FGF12: variants seen among roughly 807,000 people sequenced by gnomAD.
FGF12 encodes fibroblast growth factor 12B.
In FGF12, 14 loss-of-function variants were observed where a neutral mutation model predicts 23.6. The observed-to-expected ratio is 0.59, with a 90% CI of 0.39 to 0.93. The LOEUF (loss-of-function observed/expected upper bound fraction) is 0.93. Among genes scored for constraint, FGF12 ranks in the 40% least tolerant of loss-of-function variants. The pLI, the probability that FGF12 is intolerant of heterozygous loss-of-function variation, is 0.00. For missense variants in FGF12, 175 were observed against 217.8 expected (o/e 0.80, Z 1.24); for synonymous variants, 62 against 77.3 (o/e 0.80, Z 1.04).
At chr3:192,404,392 C>T (rs985572939) in intron 2 of FGF12, among the ~76,000 whole-genome samples, 19 of 152,150 alleles carry the variant, frequency 1.2e-4, no homozygotes, top group African/African-American at 4.3e-4. Context: ...ATGAGTGTTA[C>T]CCTTTGTCTG....
At chr3:192,695,123 A>C (rs1718073234) in intron 2 of FGF12, among the ~76,000 whole-genome samples, 1 of 152,190 alleles carries the variant, frequency 6.6e-6, no homozygotes, top group South Asian at 2.1e-4. Context: ...AACATCATGT[A>C]ACCTTAAATA....
intron 5 of FGF12, among the ~76,000 whole-genome samples, chr3:192,154,644 AC>A (rs1270612622): frequency 6.8e-6 from 1 of 147,938 alleles, no homozygotes; most frequent in East Asian, 2.0e-4. Flanking sequence ...GGGGTCAGGG[AC>A]CCACTTGAGG....
intron 2 of FGF12, among the ~76,000 whole-genome samples, chr3:192,370,728 C>A (rs777429093): frequency 5.3e-5 from 8 of 152,072 alleles, no homozygotes; most frequent in Non-Finnish European, 1.2e-4. Context: ...GGGAGCTATT[C>A]CATATAAGAA....
chr3:192,538,244 G>C (rs958689552), intron 2 of FGF12, among the ~76,000 whole-genome samples: 6 of 149,624 alleles, frequency 4.0e-5, no homozygotes, highest in African/African-American at 1.5e-4. Flanking sequence ...CACCGCACCA[G>C]GCCTTTAATC....
At chr3:192,390,398 T>C (rs1257651235) in intron 2 of FGF12, among the ~76,000 whole-genome samples, 1 of 152,192 alleles carries the variant, frequency 6.6e-6, no homozygotes, top group Non-Finnish European at 1.5e-5. Flanking sequence ...TTAAAGGTGC[T>C]CTTGTAAGGA....
intron 2 of FGF12, among the ~76,000 whole-genome samples, chr3:192,551,620 C>T (rs147066577): frequency 1.4e-3 from 206 of 152,188 alleles, no homozygotes; most frequent in African/African-American, 4.4e-3. Flanking sequence ...GAGGAAAGAC[C>T]GTGACCTAAA....
At chr3:192,350,980 G>A (rs928428674) in intron 3 of FGF12, among the ~76,000 whole-genome samples, 1 of 152,170 alleles carries the variant, frequency 6.6e-6, no homozygotes, top group African/African-American at 2.4e-5. Flanking sequence ...GGACTAGGGA[G>A]TGGCAATAGG....
chr3:192,441,211 G>T (rs1322497620), intron 2 of FGF12, among the ~76,000 whole-genome samples: 3 of 152,216 alleles, frequency 2.0e-5, no homozygotes, highest in Non-Finnish European at 4.4e-5. Context: ...AAATGAGATA[G>T]TATACTTTAA....
chr3:192,648,442 C>A (rs916280723), intron 2 of FGF12, among the ~76,000 whole-genome samples: 1 of 151,580 alleles, frequency 6.6e-6, no homozygotes, highest in African/African-American at 2.4e-5. Flanking sequence ...ATGGTCAATT[C>A]TCAACTATCC....
At chr3:192,165,510 T>A (rs1414468785) in intron 5 of FGF12, among the ~76,000 whole-genome samples, 1 of 99,418 alleles carries the variant, frequency 1.0e-5, no homozygotes, top group African/African-American at 3.5e-5. Flanking sequence ...AGAAATCATC[T>A]GGTCCAATTT....
chr3:192,683,334 A>T (rs1351379348), intron 2 of FGF12, among the ~76,000 whole-genome samples: 1 of 152,194 alleles, frequency 6.6e-6, no homozygotes, highest in Non-Finnish European at 1.5e-5. Context: ...CCTACTAGAC[A>T]ATAATTATAA....
chr3:192,692,377 G>C (rs752495953), intron 2 of FGF12, among the ~76,000 whole-genome samples: 1 of 152,144 alleles, frequency 6.6e-6, no homozygotes, highest in Non-Finnish European at 1.5e-5. Flanking sequence ...ATTAACCAAT[G>C]TGATACACCA....
At chr3:192,238,481 G>T (rs1577266259) in intron 4 of FGF12, 1 of 152,334 alleles carries the variant, frequency 6.6e-6, no homozygotes, top group East Asian at 1.9e-4. Flanking sequence ...ATGGGTGGAT[G>T]CATAATGGTA....
At chr3:192,405,320 T>A (rs903912994) in intron 2 of FGF12, among the ~76,000 whole-genome samples, 17 of 151,138 alleles carry the variant, frequency 1.1e-4, no homozygotes, top group Non-Finnish European at 4.4e-5. Context: ...ACTACACATA[T>A]CAGAACTTGG....
intron 2 of FGF12, among the ~76,000 whole-genome samples, chr3:192,592,398 C>G (rs2366839): frequency 0.037 from 5,689 of 151,936 alleles, 249 homozygotes; most frequent in Non-Finnish European, 0.06. Context: ...CTGGCCCTTT[C>G]ACGGGTCCTG....
intron 2 of FGF12, among the ~76,000 whole-genome samples, chr3:192,554,317 C>T (rs73887627): frequency 0.02 from 3,052 of 152,212 alleles, 76 homozygotes; most frequent in African/African-American, 0.06. Context: ...TCTGTGTCTT[C>T]GGACTTAGTG....
chr3:192,219,243 C>T (rs1381142394), intron 4 of FGF12, among the ~76,000 whole-genome samples: 1 of 152,030 alleles, frequency 6.6e-6, no homozygotes, highest in South Asian at 2.1e-4. Context: ...TGCCACCATA[C>T]CCGACTGATT....
intron 4 of FGF12, among the ~76,000 whole-genome samples, chr3:192,276,333 A>C (rs1713783547): frequency 6.6e-6 from 1 of 152,186 alleles, no homozygotes; most frequent in Non-Finnish European, 1.5e-5. Flanking sequence ...CTAGAAATTT[A>C]GTGCTGAGTA....
intron 2 of FGF12, among the ~76,000 whole-genome samples, chr3:192,364,528 G>A (rs1485951268): frequency 2.0e-5 from 3 of 152,158 alleles, no homozygotes. Flanking sequence ...CTTGCAGTTA[G>A]GTTTGGCAGA....
Sources: gnomAD v4.1 joint callset for allele counts (sites outside exome capture counted in the v4.1 genomes callset) on GRCh38, gnomAD v4.1.1 for gene constraint, MANE v1.5 for transcripts, NCBI Gene and HGNC (gene_info 2026-07-23, HGNC 2026-07-21) for gene names.